Variants in LPIN2 observed in about 807,000 individuals in gnomAD.
The protein encoded by LPIN2 is lipin 2.
A neutral mutation model predicts 111.4 loss-of-function variants in LPIN2; 55 were observed. The observed-to-expected ratio is 0.49, with a 90% CI of 0.40 to 0.62. The LOEUF is 0.62. Ranked by LOEUF, LPIN2 falls within the 20% of genes least tolerant of loss-of-function variation. The probability of loss-of-function intolerance (pLI) is 0.00; values close to 1 mark genes in which losing one functional copy is unlikely to be tolerated. For synonymous variants in LPIN2, 425 were observed against 414.0 expected (o/e 1.03, Z -0.32); for missense variants, 992 against 1,112.1 (o/e 0.89, Z 1.54).
intron 4 of LPIN2, chr18:2,950,179 C>T (rs2077513158): frequency 6.6e-6 from 1 of 152,216 alleles, no homozygotes; most frequent in Non-Finnish European, 1.5e-5. Context: ...AAATAAAACA[C>T]ATACCAGATT....
intron 1 of LPIN2, among the ~76,000 whole-genome samples, chr18:2,970,181 G>A (rs1392308272): frequency 6.6e-6 from 1 of 152,074 alleles, no homozygotes; most frequent in Non-Finnish European, 1.5e-5. Flanking sequence ...ATTTCTGTTT[G>A]GGAATTTAAA....
At chr18:2,928,516 T>C (rs2077168442) in intron 11 of LPIN2, 75 bp downstream of exon 11, 5 of 1,372,926 alleles carry the variant, frequency 3.6e-6, no homozygotes. Flanking sequence ...TTCAGAAATA[T>C]GCACATATGG....
intron 7 of LPIN2, among the ~76,000 whole-genome samples, chr18:2,935,062 C>T (rs2077267170): frequency 6.6e-6 from 1 of 152,190 alleles, no homozygotes; most frequent in African/African-American, 2.4e-5. Flanking sequence ...AGCCTCTAGA[C>T]CTGTACTGCC....
At chr18:2,989,099 A>G (rs2078226603) in intron 1 of LPIN2, among the ~76,000 whole-genome samples, 1 of 152,196 alleles carries the variant, frequency 6.6e-6, no homozygotes, top group Admixed American at 6.5e-5. Flanking sequence ...GATCTACACA[A>G]TTCTCATGAA....
intron 1 of LPIN2, chr18:2,979,034 G>A (rs1326727788): frequency 1.3e-5 from 2 of 152,350 alleles, no homozygotes; most frequent in Admixed American, 6.5e-5. Context: ...AAGAAGGGTG[G>A]TGTAGTAGTT....
intron 4 of LPIN2, among the ~76,000 whole-genome samples, chr18:2,941,275 CTTTG>C (rs1394772225): frequency 1.3e-5 from 2 of 152,134 alleles, no homozygotes; most frequent in African/African-American, 4.8e-5. Context: ...TAATTTTCTT[CTTTG>C]TTTGGCCCAA....
chr18:2,970,408 AC>A (rs1215341455), intron 1 of LPIN2, among the ~76,000 whole-genome samples: 1 of 152,206 alleles, frequency 6.6e-6, no homozygotes, highest in African/African-American at 2.4e-5. Flanking sequence ...AGCCAAGGCC[AC>A]CCAAGACTGG....
intron 1 of LPIN2, among the ~76,000 whole-genome samples, chr18:3,001,429 TA>T (rs33910628): frequency 0.91 from 139,119 of 152,154 alleles, 64,415 homozygotes; most frequent in East Asian, 1. Flanking sequence ...GGCAAAGAAA[TA>T]AAAATCACTG....
In LPIN2 at chr18:2,945,583, T is replaced by C. The variant is rs1367866130; in HGVS notation, c.591-4871A>G. On this transcript the variant is annotated intron_variant, in intron 4 of 19. Transcript: ENST00000677752. Reference sequence around the variant, plus strand: ...GTCGTCTTTTTGTTTTTCCTGCTTTTTAGCTGCAGGCAGTTCAAGGCTTGC... The same window carrying C: ...GTCGTCTTTTTGTTTTTCCTGCTTTCTAGCTGCAGGCAGTTCAAGGCTTGC... 17 of 1,521,836 alleles carry C rather than the reference T, an allele frequency of 1.1e-5. No homozygotes were observed. The Admixed American group carries it at 2.8e-4, about 25-fold the overall frequency. The allele number at this position is 1,521,836 out of a possible 1,614,324, so 94.3% of individuals were successfully genotyped here. A position where few individuals can be genotyped will look rare whatever the true frequency, so the allele number is the denominator to read the frequency against.
chr18:2,954,391 A>G (rs1051607924), intron 3 of LPIN2, 113 bp downstream of exon 3: 4 of 754,492 alleles, frequency 5.3e-6, no homozygotes, highest in Non-Finnish European at 9.4e-6. Flanking sequence ...TTGTCTTGCC[A>G]ACAACAGTCC....
intron 4 of LPIN2, among the ~76,000 whole-genome samples, chr18:2,941,726 AC>A (rs1396335892): frequency 6.6e-6 from 1 of 152,222 alleles, no homozygotes; most frequent in Non-Finnish European, 1.5e-5. Flanking sequence ...GGGGTTCAAG[AC>A]CAGCCTGGCC....
intron 1 of LPIN2, among the ~76,000 whole-genome samples, chr18:2,963,094 T>C (rs2077737151): frequency 1.3e-5 from 2 of 152,254 alleles, no homozygotes; most frequent in Non-Finnish European, 2.9e-5. Context: ...ACTGGTTTTC[T>C]CTTGACAGAT....
In LPIN2 at chr18:2,925,365, C is replaced by T. The variant is rs772568696; in HGVS notation, c.1797G>A (p.Pro599=). The change falls in exon 14 of 20, where the codon CCG becomes CCA. Residue 599 remains proline, a synonymous_variant. Coordinates refer to ENST00000677752, the MANE Select transcript of LPIN2 (RefSeq NM_001375808.2). The surrounding 1 kb of genome is among the most constrained non-coding windows in gnomAD (Gnocchi z 4.1). ...CGTCACTCGAGGAGTCATTCTCGGC[C>T]GGCCTGTTCAACATTAGCCCAGTTA... ...SSSKEPAGAR[P]AENDSSSDEG... is the part of the protein sequence containing the mutation. The T allele has an allele frequency of 2.9e-5, 47 of 1,613,954 alleles. No homozygotes were observed. The highest frequency in any genetic ancestry group is 3.3e-4 in the Middle Eastern group (2 of 6,082).
intron 1 of LPIN2, chr18:2,990,678 T>A: frequency 3.6e-6 from 1 of 280,808 alleles, no homozygotes; most frequent in Non-Finnish European, 7.2e-6. Flanking sequence ...ACCTCATCCA[T>A]GACTCTCCAT....
At chr18:2,966,803 C>T (rs998910126) in intron 1 of LPIN2, among the ~76,000 whole-genome samples, 2 of 152,194 alleles carry the variant, frequency 1.3e-5, no homozygotes, top group African/African-American at 4.8e-5. Context: ...ACAAAGCAGA[C>T]TCCTGGGAGC....
chr18:2,994,162 G>A (rs2078306250), intron 1 of LPIN2, among the ~76,000 whole-genome samples: 1 of 152,206 alleles, frequency 6.6e-6, no homozygotes, highest in Non-Finnish European at 1.5e-5. Flanking sequence ...TAATATCTCA[G>A]GTACCAATAC....
chr18:2,939,173 A>C (rs2077334380), intron 6 of LPIN2, among the ~76,000 whole-genome samples: 2 of 152,226 alleles, frequency 1.3e-5, no homozygotes, highest in South Asian at 4.1e-4. Flanking sequence ...AAAAAATAAA[A>C]AATAAAAATT....
intron 1 of LPIN2, among the ~76,000 whole-genome samples, chr18:3,012,878 G>A (rs928390326): frequency 4.0e-5 from 6 of 151,630 alleles, no homozygotes; most frequent in African/African-American, 1.4e-4. Flanking sequence ...TCTACGTGGC[G>A]CGGTCGCGGC....
intron 4 of LPIN2, among the ~76,000 whole-genome samples, chr18:2,950,835 A>C (rs1227911421): frequency 1.3e-5 from 2 of 152,218 alleles, no homozygotes; most frequent in African/African-American, 4.8e-5. Context: ...TATGAAAAGA[A>C]ACACAACCAG....
Sources: allele counts gnomAD v4.1 joint callset (sites outside exome capture counted in the v4.1 genomes callset), GRCh38; gene constraint gnomAD v4.1.1; non-coding constraint Gnocchi (gnomAD v3.1); transcripts MANE v1.5; gene names NCBI Gene and HGNC (gene_info 2026-07-23, HGNC 2026-07-21).